MMP26: variants seen among roughly 807,000 people sequenced by gnomAD.
The protein encoded by MMP26 is matrix metalloproteinase-26.
In MMP26, 33 loss-of-function variants were observed where a neutral mutation model predicts 31.0. The ratio of observed to expected loss-of-function variants is 1.06; its 90% CI spans 0.81 to 1.42. MMP26 has a LOEUF of 1.42. MMP26 is among the 40% of genes most tolerant of loss of function. The pLI is 0.00. For missense variants in MMP26, 347 were observed against 316.1 expected, an observed-to-expected ratio of 1.10 and a Z score of -0.74; for synonymous variants, 122 against 114.9, an observed-to-expected ratio of 1.06 and a Z score of -0.40.
intron 2 of MMP26, among the ~76,000 whole-genome samples, chr11:4,863,205 T>C (rs1850188388): frequency 6.6e-6 from 1 of 152,166 alleles, no homozygotes; most frequent in African/African-American, 2.4e-5. Flanking sequence ...TTTCATTACC[T>C]GAATCAGTGT....
At chr11:4,848,427 G>C (rs1464483313) in intron 2 of MMP26, 1 of 1,613,790 alleles carries the variant, frequency 6.2e-7, no homozygotes. Flanking sequence ...GAGGATCATA[G>C]GGATATAGAA....
chr11:4,744,618 C>A (rs1269014772), intron 1 of MMP26, among the ~76,000 whole-genome samples: 4 of 152,082 alleles, frequency 2.6e-5, no homozygotes, highest in Non-Finnish European at 4.4e-5. Context: ...TACCTCGCCC[C>A]ACAAAAAAAC....
intron 1 of MMP26, among the ~76,000 whole-genome samples, chr11:4,740,698 A>C (rs964769546): frequency 8.1e-6 from 1 of 123,102 alleles, no homozygotes; most frequent in Non-Finnish European, 1.9e-5. Context: ...AAAAAAAAAA[A>C]GAAACTATAT....
chr11:4,747,496 A>G (rs1399949278), intron 1 of MMP26, among the ~76,000 whole-genome samples: 2 of 152,234 alleles, frequency 1.3e-5, no homozygotes, highest in African/African-American at 4.8e-5. Context: ...ACCTCTATAG[A>G]GAAGTCAGAA....
chr11:4,738,284 G>A (rs1463810628), intron 1 of MMP26, among the ~76,000 whole-genome samples: 5 of 152,190 alleles, frequency 3.3e-5, no homozygotes, highest in Non-Finnish European at 7.3e-5. Context: ...AATGAAGACA[G>A]GAGAGCCGGG....
chr11:4,886,083 G>A (rs1850542449), intron 2 of MMP26, among the ~76,000 whole-genome samples: 1 of 152,016 alleles, frequency 6.6e-6, no homozygotes, highest in South Asian at 2.1e-4. Context: ...TGCATGTCAT[G>A]GTTTTTGCTA....
chr11:4,851,010 C>T (rs968660319), intron 2 of MMP26, among the ~76,000 whole-genome samples: 2 of 152,104 alleles, frequency 1.3e-5, no homozygotes, highest in Non-Finnish European at 2.9e-5. Flanking sequence ...TAGAAACAGA[C>T]ATTCATTTCC....
Position 4,988,188 on chromosome 11 carries a change from C to G in MMP26, c.-24C>G, listed in dbSNP as rs1253892382. ...CCCAAGTTGTGTACCTGAATTCAAGCAGTGGGACAAATGAGGGTTTGGCAT... is the reference window on the plus strand; with the variant it reads ...CCCAAGTTGTGTACCTGAATTCAAGGAGTGGGACAAATGAGGGTTTGGCAT... On this transcript the variant is annotated 5_prime_UTR_variant, in exon 3 of 8. Coordinates refer to ENST00000380390, the MANE Select transcript of MMP26 (RefSeq NM_021801.5). 1 of 1,605,590 alleles carries G rather than the reference C, an allele frequency of 6.2e-7. No individual in the cohort carries two copies. Among genetic ancestry groups the G allele is most frequent in the Non-Finnish European group, 8.5e-7 (1 of 1,172,408 alleles).
chr11:4,725,355 G>A (rs574354485), intron 1 of MMP26, among the ~76,000 whole-genome samples: 2 of 152,280 alleles, frequency 1.3e-5, no homozygotes, highest in South Asian at 4.1e-4. Flanking sequence ...AGAGGAAATA[G>A]AGGAACGCAT....
At chr11:4,900,073 G>A (rs372942191) in intron 2 of MMP26, among the ~76,000 whole-genome samples, 45 of 152,040 alleles carry the variant, frequency 3.0e-4, no homozygotes, top group East Asian at 1.4e-3. Context: ...CACTAATGTC[G>A]TCTCTAAGGT....
chr11:4,885,502 TA>T (rs1244166348), intron 2 of MMP26, among the ~76,000 whole-genome samples: 2 of 152,116 alleles, frequency 1.3e-5, no homozygotes, highest in Admixed American at 1.3e-4. Flanking sequence ...CCTCAGTATT[TA>T]GTACAGTAAA....
intron 2 of MMP26, chr11:4,908,443 A>C: frequency 1.3e-6 from 1 of 769,562 alleles, no homozygotes; most frequent in Non-Finnish European, 2.2e-6. Context: ...AGAATTTATA[A>C]TAAAGTTGAG....
intron 1 of MMP26, among the ~76,000 whole-genome samples, chr11:4,765,836 C>A (rs1297102435): frequency 6.6e-6 from 1 of 152,196 alleles, no homozygotes. Context: ...TCCATCTTTA[C>A]ACAGTCTATT....
chr11:4,828,551 T>C (rs1849607487), intron 2 of MMP26, among the ~76,000 whole-genome samples: 1 of 152,168 alleles, frequency 6.6e-6, no homozygotes, highest in Non-Finnish European at 1.5e-5. Flanking sequence ...ACTTGTACTA[T>C]CTATTTTAGA....
At chr11:4,955,709 G>A (rs200741265) in intron 2 of MMP26, 3 of 1,560,260 alleles carry the variant, frequency 1.9e-6, no homozygotes, top group East Asian at 2.2e-5. Context: ...GTTGATAATG[G>A]ACATGATTCA....
rs558612167 is a variant in MMP26, at chr11:4,928,455, A to T, written c.-144-59613A>T. Among the ~76,000 whole-genome samples the T allele has an allele frequency of 3.3e-5, 5 of 152,312 alleles. No homozygotes were observed. The East Asian group carries it at 9.6e-4, about 29-fold the overall frequency. On this transcript the variant is annotated intron_variant, in intron 2 of 7. Coordinates refer to ENST00000380390, the MANE Select transcript of MMP26 (RefSeq NM_021801.5). The stretch of plus-strand genomic sequence containing the variant: ...CATTTTAACTACCAACGTCTGTATC[A>T]GGTATTCTTCCAAAATCAATGTAAA...
At chr11:4,705,202 G>T (rs1489614264) in intron 1 of MMP26, among the ~76,000 whole-genome samples, 157 bp downstream of exon 1, 1 of 152,182 alleles carries the variant, frequency 6.6e-6, no homozygotes, top group Non-Finnish European at 1.5e-5. Flanking sequence ...AAATATCGTT[G>T]TAGCGTTCAA....
intron 2 of MMP26, chr11:4,821,884 G>C: frequency 5.0e-6 from 8 of 1,613,934 alleles, no homozygotes; most frequent in Non-Finnish European, 6.8e-6. Context: ...GATAAGAAAT[G>C]TTGCCGTCAT....
intron 2 of MMP26, among the ~76,000 whole-genome samples, chr11:4,854,693 T>A (rs576266093): frequency 6.6e-6 from 1 of 152,160 alleles, no homozygotes; most frequent in Non-Finnish European, 1.5e-5. Flanking sequence ...ATGTCCCTGT[T>A]TGACAGCTTT....
Sources: allele counts gnomAD v4.1 joint callset (sites outside exome capture counted in the v4.1 genomes callset), GRCh38; gene constraint gnomAD v4.1.1; transcripts MANE v1.5; gene names NCBI Gene and HGNC (gene_info 2026-07-23, HGNC 2026-07-21).